LRIG3: variants seen among roughly 807,000 people sequenced by gnomAD.
LRIG3 encodes the protein leucine rich repeats and immunoglobulin like domains 3, also known as leucine-rich repeats and immunoglobulin-like domains protein 3.
Under a neutral mutation model 114.5 loss-of-function variants are expected in LRIG3, and 76 were observed. The ratio of observed to expected loss-of-function variants is 0.66; its 90% confidence interval spans 0.55 to 0.80. The LOEUF (loss-of-function observed/expected upper bound fraction) is 0.80, where lower values mean the gene tolerates loss of function less well. LRIG3 is among the 30% of genes least tolerant of loss of function. LRIG3 has a pLI of 0.00. For missense variants in LRIG3, 1,239 were observed against 1,382.8 expected, an observed-to-expected ratio of 0.90 and a Z score of 1.65; for synonymous variants, 512 against 519.8, an observed-to-expected ratio of 0.98 and a Z score of 0.20.
chr12:58,883,715 C>T, intron 10 of LRIG3, 124 bp from the exon 11 acceptor site: 1 of 528,686 alleles, frequency 1.9e-6, no homozygotes, highest in Non-Finnish European at 3.3e-6. Flanking sequence ...GTGTCAAATA[C>T]ATGACTGGGG....
At chr12:58,894,448 C>A (rs750090181) in intron 3 of LRIG3, among the ~76,000 whole-genome samples, 16 of 151,904 alleles carry the variant, frequency 1.1e-4, no homozygotes, top group Non-Finnish European at 1.5e-4. Context: ...AAAAAACTTG[C>A]TTTGTATAAT....
intron 10 of LRIG3, among the ~76,000 whole-genome samples, chr12:58,884,276 T>C (rs1040917232): frequency 1.8e-4 from 28 of 152,328 alleles, no homozygotes; most frequent in African/African-American, 6.0e-4. Flanking sequence ...GGATTAATTC[T>C]CTTTATACAG....
rs1229270716 is a variant in LRIG3 at position 58,872,572 on chromosome 12, C to T, written c.3360G>A (p.Ter1120=). The T allele has an allele frequency of 1.2e-6, 2 of 1,610,810 alleles. No individual in the cohort carries two copies. The highest frequency in any genetic ancestry group is 1.7e-6 in the Non-Finnish European group (2 of 1,178,134). The part of the protein sequence containing the change: ...PNFQSYDLDT[*] The stretch of plus-strand genomic sequence containing the variant: ...AGCTTTTCCTTTGGTCTCATTCAGT[C>T]TATGTGTCCAAGTCATAAGACTGAA... Residue 1120 remains the stop codon, a stop_retained_variant, in exon 19 of 19, where the codon TAG becomes TAA. Transcript: ENST00000320743.
chr12:58,873,765 C>A, intron 18 of LRIG3: 1 of 449,596 alleles, frequency 2.2e-6, no homozygotes. Flanking sequence ...ACATGGCTGA[C>A]AAGCTGAGCT....
At chr12:58,886,240 C>T (rs1223108088) in intron 9 of LRIG3, among the ~76,000 whole-genome samples, 1 of 151,912 alleles carries the variant, frequency 6.6e-6, no homozygotes, top group Admixed American at 6.6e-5. Context: ...TAATAGTGAA[C>T]GTTTTCTCCT....
rs1051892551 is a variant in LRIG3, at chr12:58,899,061, A to G, written c.384-8265T>C. 4.8e-4 allele frequency among the ~76,000 whole-genome samples: 73 copies of G among 152,298 alleles called. 1 individual carries two copies. Among genetic ancestry groups the G allele is most frequent in the African/African-American group, 1.7e-3 (71 of 41,576 alleles). On this transcript the variant is annotated intron_variant, in intron 3 of 18. Coordinates refer to ENST00000320743, the MANE Select transcript of LRIG3 (RefSeq NM_153377.5). ...TGTTTTGTAAACTTTAGCACACATC[A>G]GGATTGGTGGGCAGGGGCTTCTGGA...
At chr12:58,894,964 AG>A (rs1871588591) in intron 3 of LRIG3, among the ~76,000 whole-genome samples, 1 of 152,230 alleles carries the variant, frequency 6.6e-6, no homozygotes, top group South Asian at 2.1e-4. Context: ...TGGGTTGGTC[AG>A]GAACACCAGA....
At chr12:58,914,101 AAT>A in intron 2 of LRIG3, 45 bp from the exon 3 acceptor site, 1 of 1,577,632 alleles carries the variant, frequency 6.3e-7, no homozygotes, top group Non-Finnish European at 8.6e-7. Context: ...CTGATTAGGT[AAT>A]CTGTAATTCA....
chr12:58,907,604 A>C (rs1172717209), intron 3 of LRIG3, among the ~76,000 whole-genome samples: 3 of 152,210 alleles, frequency 2.0e-5, no homozygotes, highest in African/African-American at 4.8e-5. Flanking sequence ...TTTCATGTAC[A>C]TTATGCCATT....
In LRIG3 at chr12:58,879,098, G is replaced by A. The variant is rs146845169; in HGVS notation, c.1809C>T (p.Pro603=). 1.2e-6 allele frequency: 2 copies of A among 1,610,512 alleles called. No homozygotes were observed. Among genetic ancestry groups the A allele is most frequent in the African/African-American group, 1.3e-5 (1 of 74,828 alleles). ...VKAKLTVNML[P]SFTKTPMDLT... ...GATCCATGGGGGTCTTGGTGAATGA[G>A]GGAAGCACTGAAATCAGAGAAACAA... is the stretch of plus-strand genomic sequence containing the variant. Residue 603 remains proline (P), a synonymous_variant, in exon 14 of 19, where the codon CCC becomes CCT. Coordinates refer to ENST00000320743, the MANE Select transcript of LRIG3 (RefSeq NM_153377.5).
At chr12:58,897,513 G>T (rs1871685177) in intron 3 of LRIG3, among the ~76,000 whole-genome samples, 1 of 152,192 alleles carries the variant, frequency 6.6e-6, no homozygotes, top group Non-Finnish European at 1.5e-5. Flanking sequence ...GGAAGGCTGA[G>T]GTGGGAGGAT....
At chr12:58,907,931 T>C (rs1327088507) in intron 3 of LRIG3, among the ~76,000 whole-genome samples, 6 of 152,062 alleles carry the variant, frequency 3.9e-5, no homozygotes, top group Non-Finnish European at 8.8e-5. Flanking sequence ...ACCATGTCAT[T>C]AGAGACTACA....
At chr12:58,887,499 T>G (rs1871313906) in intron 8 of LRIG3, among the ~76,000 whole-genome samples, 1 of 152,146 alleles carries the variant, frequency 6.6e-6, no homozygotes, top group African/African-American at 2.4e-5. Context: ...AAGAAAAACT[T>G]AGTGGACTTA....
At chr12:58,897,035 C>T (rs142918955) in intron 3 of LRIG3, among the ~76,000 whole-genome samples, 155 of 152,292 alleles carry the variant, frequency 1.0e-3, no homozygotes, top group African/African-American at 3.5e-3. Flanking sequence ...ACTAACACCC[C>T]ATAATATCAG....
intron 18 of LRIG3, 74 bp downstream of exon 18, chr12:58,873,981 C>T (rs1870821400): frequency 6.6e-7 from 1 of 1,514,282 alleles, no homozygotes; most frequent in Non-Finnish European, 9.1e-7. Flanking sequence ...ACATTCAAGG[C>T]TGTCATTGCT....
intron 5 of LRIG3, 114 bp downstream of exon 5, chr12:58,889,882 G>C: frequency 7.7e-7 from 1 of 1,294,656 alleles, no homozygotes; most frequent in Admixed American, 2.3e-5. Context: ...TCAAAGGAAA[G>C]GCAGCTACAT....
At chr12:58,892,397 G>C (rs1272947060) in intron 3 of LRIG3, among the ~76,000 whole-genome samples, 1 of 152,176 alleles carries the variant, frequency 6.6e-6, no homozygotes, top group African/African-American at 2.4e-5. Context: ...CGATTAAAAA[G>C]AAAACTTACA....
intron 3 of LRIG3, chr12:58,913,738 C>T: frequency 2.3e-6 from 1 of 441,884 alleles, no homozygotes; most frequent in Non-Finnish European, 4.0e-6. Flanking sequence ...CTCTTTGAAT[C>T]TCGAAGACCA....
chr12:58,876,337 T>C, intron 16 of LRIG3, 108 bp downstream of exon 16: 1 of 1,219,098 alleles, frequency 8.2e-7, no homozygotes. Flanking sequence ...TTGGGCCAGG[T>C]CCTAAATGTC....
Sources: gnomAD v4.1 joint callset for allele counts (sites outside exome capture counted in the v4.1 genomes callset) on GRCh38, gnomAD v4.1.1 for gene constraint, MANE v1.5 for transcripts, NCBI Gene and HGNC (gene_info 2026-07-23, HGNC 2026-07-21) for gene names.